Variants in UGT1A10 observed in about 807,000 individuals in gnomAD.
UGT1A10 encodes the protein UDP glucuronosyltransferase family 1 member A10.
Under a neutral mutation model 45.8 loss-of-function variants are expected in UGT1A10, and 49 were observed. The observed-to-expected ratio is 1.07, with a 90% CI of 0.85 to 1.36. The LOEUF is 1.36. Among genes scored for constraint, UGT1A10 ranks in the 40% most tolerant of loss-of-function variants. UGT1A10 has a pLI of 0.00. For missense variants in UGT1A10, 745 were observed against 668.6 expected, an observed-to-expected ratio of 1.11 and a Z score of -1.26; for synonymous variants, 284 against 249.7, an observed-to-expected ratio of 1.14 and a Z score of -1.29.
intron 1 of UGT1A10, among the ~76,000 whole-genome samples, chr2:233,657,172 T>A (rs887502021): frequency 5.3e-5 from 8 of 152,208 alleles, no homozygotes; most frequent in African/African-American, 1.7e-4. Context: ...CCACTAGCTA[T>A]CAAGGTCCCC....
chr2:233,692,696 C>G lies in UGT1A10; in HGVS notation c.855+55319C>G, dbSNP rs28898576. ...ATTGGCAGGGGGTCCTCAGGGGTCT[C>G]TCCAAGTCATCTTCAAAGTGTTGCT... On this transcript the variant is annotated intron_variant, in intron 1 of 4. Coordinates refer to ENST00000344644, the MANE Select transcript of UGT1A10 (RefSeq NM_019075.4). The G allele has an allele frequency of 5.4e-3, 2,104 of 392,412 alleles. 43 individuals are homozygous for G. The highest frequency in any genetic ancestry group is 0.043 in the African/African-American group (1,970 of 45,804). The allele number at this position is 392,412 out of a possible 1,614,324, so 24.3% of individuals were successfully genotyped here. A position where few individuals can be genotyped will look rare whatever the true frequency, so the allele number is the denominator to read the frequency against.
intron 1 of UGT1A10, among the ~76,000 whole-genome samples, chr2:233,739,383 G>A (rs1385341432): frequency 6.6e-6 from 1 of 152,210 alleles, no homozygotes; most frequent in South Asian, 2.1e-4. Context: ...GTGCCTGGAA[G>A]AGCCACAGAC....
At chr2:233,744,499 T>C (rs751170063) in intron 1 of UGT1A10, among the ~76,000 whole-genome samples, 33 of 151,936 alleles carry the variant, frequency 2.2e-4, no homozygotes, top group Non-Finnish European at 4.0e-4. Context: ...TTAGTAAGAA[T>C]AAACCCATGA....
At chr2:233,654,825 C>T (rs1267737788) in intron 1 of UGT1A10, among the ~76,000 whole-genome samples, 4 of 152,210 alleles carry the variant, frequency 2.6e-5, no homozygotes, top group African/African-American at 7.2e-5. Context: ...AGCACAGTGG[C>T]TCACGCCTGT....
intron 1 of UGT1A10, chr2:233,681,985 A>G: frequency 1.2e-6 from 2 of 1,614,106 alleles, no homozygotes; most frequent in Non-Finnish European, 1.7e-6. Context: ...ATGTGTGTCT[A>G]CTGCTGACCT....
chr2:233,703,750 A>G (rs1269263963), intron 1 of UGT1A10, among the ~76,000 whole-genome samples: 1 of 152,074 alleles, frequency 6.6e-6, no homozygotes, highest in Non-Finnish European at 1.5e-5. Flanking sequence ...TAAATCTCAA[A>G]TGTATCTTCT....
At chr2:233,648,679 T>C in intron 1 of UGT1A10, 1 of 337,672 alleles carries the variant, frequency 3.0e-6, no homozygotes, top group South Asian at 3.0e-5. Flanking sequence ...TTAGCCAGGA[T>C]GGTCTCGATC....
At chr2:233,748,806 A>C (rs981596738) in intron 1 of UGT1A10, among the ~76,000 whole-genome samples, 1 of 151,326 alleles carries the variant, frequency 6.6e-6, no homozygotes, top group Non-Finnish European at 1.5e-5. Flanking sequence ...AATTATCAAG[A>C]AATTGTGGAA....
At chr2:233,714,443 C>T (rs1316145687) in intron 1 of UGT1A10, among the ~76,000 whole-genome samples, 1 of 152,048 alleles carries the variant, frequency 6.6e-6, no homozygotes, top group Non-Finnish European at 1.5e-5. Flanking sequence ...AGTTCAGTTT[C>T]CAGAGAGGGA....
At position 233,680,476 on chromosome 2, in the gene UGT1A10, G is replaced by A. The variant is rs528848775; in HGVS notation, c.855+43099G>A. ...GCAAATGTCTAGTACCAGTTAGGGT[G>A]TCCTGGAAGGAACCATCTTGTGCTT... On this transcript the variant is annotated intron_variant, in intron 1 of 4. Coordinates refer to ENST00000344644, the MANE Select transcript of UGT1A10 (RefSeq NM_019075.4). Among the ~76,000 whole-genome samples, 3 of 152,322 alleles carry A rather than the reference G, an allele frequency of 2.0e-5. No homozygotes were observed. In the South Asian group the frequency reaches 6.2e-4, roughly 32 times the overall value.
chr2:233,644,726 C>T (rs901407416), intron 1 of UGT1A10, among the ~76,000 whole-genome samples: 9 of 152,196 alleles, frequency 5.9e-5, no homozygotes, highest in South Asian at 2.1e-4. Flanking sequence ...TATGCCACAC[C>T]GCCACTGTGG....
At chr2:233,729,013 C>T (rs1190048509) in intron 1 of UGT1A10, 1 of 1,586,394 alleles carries the variant, frequency 6.3e-7, no homozygotes, top group Non-Finnish European at 8.6e-7. Context: ...CTCTGTCTTC[C>T]AATTACACGT....
intron 1 of UGT1A10, among the ~76,000 whole-genome samples, chr2:233,664,417 T>G (rs1466626268): frequency 6.6e-6 from 1 of 152,198 alleles, no homozygotes; most frequent in Non-Finnish European, 1.5e-5. Context: ...TTTCTACCCT[T>G]CATTACGTTG....
intron 1 of UGT1A10, among the ~76,000 whole-genome samples, chr2:233,737,833 T>A (rs1346055905): frequency 6.6e-6 from 1 of 152,174 alleles, no homozygotes; most frequent in African/African-American, 2.4e-5. Flanking sequence ...AATTGGGAAC[T>A]GTGGCACAGG....
chr2:233,747,343 T>A (rs1575682738), intron 1 of UGT1A10: 1 of 1,603,348 alleles, frequency 6.2e-7, no homozygotes, highest in East Asian at 2.2e-5. Flanking sequence ...CTGGCTCGCA[T>A]GCGGGAGGCC....
intron 3 of UGT1A10, 53 bp from the exon 4 acceptor site, chr2:233,768,167 G>T: frequency 5.6e-6 from 9 of 1,613,612 alleles, no homozygotes; most frequent in Non-Finnish European, 7.6e-6. Context: ...GATGTGTCCA[G>T]CTGTGAAACT....
chr2:233,727,319 C>A (rs1000765944), intron 1 of UGT1A10, among the ~76,000 whole-genome samples: 1 of 152,168 alleles, frequency 6.6e-6, no homozygotes, highest in Non-Finnish European at 1.5e-5. Flanking sequence ...GTTTCCCAGG[C>A]ACCAGGAGCT....
At chr2:233,755,424 C>G (rs976220166) in intron 1 of UGT1A10, 2 of 319,210 alleles carry the variant, frequency 6.3e-6, no homozygotes, top group Non-Finnish European at 1.2e-5. Flanking sequence ...GTGAGCGCCT[C>G]GCATCCCAAG....
Position 233,769,475 on chromosome 2 carries a change from G to T in UGT1A10, c.1295+1036G>T. On this transcript the variant is annotated intron_variant, in intron 4 of 4. Coordinates refer to ENST00000344644, the MANE Select transcript of UGT1A10 (RefSeq NM_019075.4). The surrounding 1 kb of genome is among the most constrained non-coding windows in gnomAD (Gnocchi z 4.4). Reference sequence around the variant, plus strand: ...TGTGCATTCATATGCGTGTGTGTGTGTGTGCGTGTGTTTATGAGAGTGTCC... The same window carrying T: ...TGTGCATTCATATGCGTGTGTGTGTTTGTGCGTGTGTTTATGAGAGTGTCC... 6.2e-7 allele frequency: 1 copy of T among 1,611,166 alleles called. No homozygotes were observed.
Sources: allele counts gnomAD v4.1 joint callset (sites outside exome capture counted in the v4.1 genomes callset), GRCh38; gene constraint gnomAD v4.1.1; non-coding constraint Gnocchi (gnomAD v3.1); transcripts MANE v1.5; gene names NCBI Gene and HGNC (gene_info 2026-07-23, HGNC 2026-07-21).